The following CCDC171 variants were observed in gnomAD, a reference collection of about 807,000 sequenced individuals.
CCDC171 encodes coiled-coil domain containing 171, also known as coiled-coil domain-containing protein 171.
A neutral mutation model predicts 168.2 loss-of-function variants in CCDC171; 177 were observed. That is an observed-to-expected ratio of 1.05 (90% CI 0.93 to 1.19). CCDC171 has a LOEUF of 1.19. Among genes scored for constraint, CCDC171 ranks in the 50% most tolerant of loss-of-function variants. The pLI is 0.00. For synonymous variants in CCDC171, 687 were observed against 540.8 expected, an observed-to-expected ratio of 1.27 and a Z score of -3.75; for missense variants, 1,991 against 1,539.0, an observed-to-expected ratio of 1.29 and a Z score of -4.91.
chr9:15,555,856 C>G (rs1248291693), intron 1 of CCDC171, among the ~76,000 whole-genome samples: 1 of 152,044 alleles, frequency 6.6e-6, no homozygotes. Flanking sequence ...CTGCCAGGCC[C>G]CGGTGTGTGA....
chr9:16,008,255 AG>A (rs1330963182), intron 3 of CCDC171, among the ~76,000 whole-genome samples: 1 of 152,058 alleles, frequency 6.6e-6, no homozygotes, highest in Admixed American at 6.6e-5. Context: ...TTTTTTTAAA[AG>A]ATGTGAGGTA....
At chr9:15,788,756 T>A (rs1304017287) in intron 21 of CCDC171, among the ~76,000 whole-genome samples, 1 of 152,124 alleles carries the variant, frequency 6.6e-6, no homozygotes, top group Non-Finnish European at 1.5e-5. Flanking sequence ...CTGCCTATGT[T>A]GCCCAGTCCT....
At chr9:15,553,687 C>A (rs1345234415) in intron 1 of CCDC171, 1 of 152,216 alleles carries the variant, frequency 6.6e-6, no homozygotes, top group South Asian at 2.1e-4. Context: ...AGACACTCTA[C>A]AGATGTTTGA....
intron 1 of CCDC171, among the ~76,000 whole-genome samples, chr9:15,557,220 G>A (rs913410716): frequency 6.6e-6 from 1 of 152,218 alleles, no homozygotes; most frequent in South Asian, 2.1e-4. Context: ...TCTTGGCAAT[G>A]TGGGCTCTTT....
intron 2 of CCDC171, among the ~76,000 whole-genome samples, chr9:15,567,304 A>G (rs2039828498): frequency 6.6e-6 from 1 of 152,128 alleles, no homozygotes; most frequent in African/African-American, 2.4e-5. Context: ...ACAGGCGTAC[A>G]TGTCTGTTCT....
intron 9 of CCDC171, among the ~76,000 whole-genome samples, chr9:15,671,820 C>T (rs901018624): frequency 2.0e-5 from 3 of 152,140 alleles, no homozygotes; most frequent in South Asian, 4.1e-4. Flanking sequence ...CATACATGTG[C>T]ATGTGTCTTT....
chr9:15,575,693 G>A (rs539957951), intron 3 of CCDC171, among the ~76,000 whole-genome samples: 1 of 152,128 alleles, frequency 6.6e-6, no homozygotes, highest in Non-Finnish European at 1.5e-5. Flanking sequence ...CTTCAGTTCT[G>A]AAAGGCTTGA....
chr9:16,062,884 T>C (rs189238510), downstream of CCDC171, among the ~76,000 whole-genome samples: 225 of 152,296 alleles, frequency 1.5e-3, no homozygotes, highest in Admixed American at 3.0e-3. Flanking sequence ...CCTTTCCAAT[T>C]TGTAGGGGAG....
intron 6 of CCDC171, among the ~76,000 whole-genome samples, chr9:15,597,913 A>G (rs2042504057): frequency 6.6e-6 from 1 of 151,842 alleles, no homozygotes; most frequent in South Asian, 2.1e-4. Context: ...TTTCTTCTAG[A>G]TTTTCTAGTT....
chr9:15,848,396 A>C (rs2060989976), intron 22 of CCDC171, among the ~76,000 whole-genome samples: 1 of 152,064 alleles, frequency 6.6e-6, no homozygotes, highest in South Asian at 2.1e-4. Context: ...GACAAGTCAC[A>C]GAAGAGTTTT....
intron 3 of CCDC171, among the ~76,000 whole-genome samples, chr9:16,018,607 C>T (rs904192585): frequency 6.6e-6 from 1 of 152,182 alleles, no homozygotes; most frequent in Non-Finnish European, 1.5e-5. Context: ...ACCCCTCACT[C>T]ACCTACTAGG....
intron 10 of CCDC171, among the ~76,000 whole-genome samples, chr9:15,687,989 C>T (rs1378477840): frequency 6.6e-6 from 1 of 151,800 alleles, no homozygotes; most frequent in Admixed American, 6.6e-5. Context: ...CAAGGTGGCG[C>T]ATGCCTGTAG....
At chr9:15,762,718 T>G (rs7036775) in intron 18 of CCDC171, among the ~76,000 whole-genome samples, 1 of 151,944 alleles carries the variant, frequency 6.6e-6, no homozygotes, top group Non-Finnish European at 1.5e-5. Context: ...TGACTAGTTG[T>G]GAAAAATGTA....
intron 18 of CCDC171, among the ~76,000 whole-genome samples, chr9:15,751,330 C>G (rs766120503): frequency 6.6e-6 from 1 of 152,158 alleles, no homozygotes; most frequent in South Asian, 2.1e-4. Context: ...GAATCAATAT[C>G]GTGAAAATGG....
chr9:16,056,757 G>A (rs150952898), intron 1 of CCDC171, among the ~76,000 whole-genome samples: 187 of 152,280 alleles, frequency 1.2e-3, no homozygotes, highest in African/African-American at 4.1e-3. Flanking sequence ...CAAAGTGCTC[G>A]GATTAGAGGT....
At chr9:15,765,090 A>T (rs1307673241) in intron 18 of CCDC171, among the ~76,000 whole-genome samples, 1 of 152,210 alleles carries the variant, frequency 6.6e-6, no homozygotes, top group African/African-American at 2.4e-5. Context: ...TGCTAAGGTG[A>T]ATATGATGAG....
chr9:15,771,318 G>A (rs1019063821), intron 18 of CCDC171, among the ~76,000 whole-genome samples: 4 of 152,028 alleles, frequency 2.6e-5, no homozygotes, highest in East Asian at 1.9e-4. Flanking sequence ...AGTGTTGACC[G>A]TTCTGGTTTT....
chr9:15,933,960 A>T (rs768257151), intron 25 of CCDC171, among the ~76,000 whole-genome samples: 2 of 151,966 alleles, frequency 1.3e-5, no homozygotes, highest in African/African-American at 2.4e-5. Context: ...GCATGGAAAG[A>T]CTCTATCAAG....
At chr9:15,767,898 A>C (rs2056817633) in intron 18 of CCDC171, among the ~76,000 whole-genome samples, 1 of 77,762 alleles carries the variant, frequency 1.3e-5, no homozygotes, top group Non-Finnish European at 2.7e-5. Flanking sequence ...GCCATTAAAA[A>C]AATTTTTTTA....
Sources: allele counts gnomAD v4.1 joint callset (sites outside exome capture counted in the v4.1 genomes callset), GRCh38; gene constraint gnomAD v4.1.1; transcripts MANE v1.5; gene names NCBI Gene and HGNC (gene_info 2026-07-23, HGNC 2026-07-21).